The following IPCEF1 variants were observed in gnomAD, a reference collection of about 807,000 sequenced individuals.
IPCEF1 encodes interactor protein for cytohesin exchange factors 1.
IPCEF1 carries 31 observed loss-of-function variants against 50.9 expected under a neutral mutation model. That is an observed-to-expected ratio of 0.61 (90% confidence interval 0.46 to 0.82). The LOEUF (loss-of-function observed/expected upper bound fraction) is 0.82. Ranked by LOEUF, IPCEF1 falls within the 40% of genes least tolerant of loss-of-function variation. The pLI is 0.00. For missense variants in IPCEF1, 458 were observed against 514.0 expected (o/e 0.89, Z 1.05); for synonymous variants, 181 against 192.0 (o/e 0.94, Z 0.47).
intron 3 of IPCEF1, among the ~76,000 whole-genome samples, chr6:154,248,340 G>GTGTGTGTGT (rs1562566051): frequency 8.9e-6 from 1 of 112,092 alleles, no homozygotes; most frequent in African/African-American, 3.3e-5. Flanking sequence ...TGTGTGTGTA[G>GTGTGTGTGT]AGAGAGAGAA....
intron 3 of IPCEF1, among the ~76,000 whole-genome samples, chr6:154,257,302 T>C (rs916154436): frequency 6.6e-6 from 1 of 152,198 alleles, no homozygotes; most frequent in Non-Finnish European, 1.5e-5. Flanking sequence ...TGAACCTAGC[T>C]AGCTCTCCCC....
intron 1 of IPCEF1, among the ~76,000 whole-genome samples, chr6:154,316,666 GGA>G: frequency 6.6e-6 from 1 of 152,136 alleles, no homozygotes; most frequent in Non-Finnish European, 1.5e-5. Flanking sequence ...CAATGAAACA[GGA>G]GAAATAAACT....
chr6:154,333,499 T>C (rs551398939), intron 1 of IPCEF1, among the ~76,000 whole-genome samples: 1 of 152,068 alleles, frequency 6.6e-6, no homozygotes, highest in African/African-American at 2.4e-5. Context: ...TCAGACAGCC[T>C]ATTGTGGGAC....
chr6:154,332,178 A>C (rs1413950567), intron 1 of IPCEF1, among the ~76,000 whole-genome samples: 1 of 152,184 alleles, frequency 6.6e-6, no homozygotes, highest in Non-Finnish European at 1.5e-5. Context: ...ATTTTTATTA[A>C]GTCACATGCA....
At chr6:154,238,489 C>T (rs1042175940) in intron 5 of IPCEF1, among the ~76,000 whole-genome samples, 1 of 152,190 alleles carries the variant, frequency 6.6e-6, no homozygotes, top group Admixed American at 6.5e-5. Flanking sequence ...TGGTCTCAAA[C>T]TCCCGACCTC....
At chr6:154,282,602 G>C (rs1371358875) in intron 2 of IPCEF1, among the ~76,000 whole-genome samples, 3 of 152,060 alleles carry the variant, frequency 2.0e-5, no homozygotes, top group Non-Finnish European at 4.4e-5. Flanking sequence ...CAGGAGAATG[G>C]CATAAACCCG....
intron 1 of IPCEF1, among the ~76,000 whole-genome samples, chr6:154,297,279 A>G (rs1045165771): frequency 1.8e-4 from 27 of 152,066 alleles, no homozygotes; most frequent in African/African-American, 6.5e-4. Flanking sequence ...GGCTCATGCA[A>G]TCCACCCACC....
rs184236319 is a variant in IPCEF1 at position 154,346,964 on chromosome 6, T to A, written c.-62+9708A>T. The stretch of plus-strand genomic sequence containing the variant: ...ATCTCTGTTTTCTTCCCCTTTTCAA[T>A]CTATATTATTAGAAACAAATGCTCC... On this transcript the variant is annotated intron_variant, in intron 1 of 11. Transcript: ENST00000367220. Among the ~76,000 whole-genome samples, 6 of 152,310 alleles carry A rather than the reference T, an allele frequency of 3.9e-5. No individual in the cohort carries two copies. In the East Asian group the frequency reaches 9.6e-4, roughly 24 times the overall value.
chr6:154,342,587 AT>A (rs1374204704), intron 1 of IPCEF1, among the ~76,000 whole-genome samples: 1 of 151,798 alleles, frequency 6.6e-6, no homozygotes, highest in Non-Finnish European at 1.5e-5. Flanking sequence ...ACACCTGGCA[AT>A]TTTTTTCAAT....
At chr6:154,176,757 A>G (rs941223584) in intron 10 of IPCEF1, among the ~76,000 whole-genome samples, 2 of 152,130 alleles carry the variant, frequency 1.3e-5, no homozygotes, top group African/African-American at 2.4e-5. Context: ...AGGTAATTCA[A>G]TGCTATCCCC....
rs762007989 is a variant in IPCEF1 at position 154,235,542 on chromosome 6, A to AT, written c.246+11048_246+11049insA. On this transcript the variant is annotated intron_variant, in intron 5 of 11. Transcript: ENST00000367220. ...GCAAAACTCTGTCACAAAAAAAAAA[A>AT]AAAAAAAAAGTAATGAAGACAAAGT... Among the ~76,000 whole-genome samples, 279 of 149,640 alleles carry AT rather than the reference A, an allele frequency of 1.9e-3. 3 individuals carry two copies. The highest frequency in any genetic ancestry group is 3.3e-3 in the Non-Finnish European group (225 of 67,720).
At position 154,157,076 on chromosome 6, in the gene IPCEF1, G is replaced by A. The variant is rs1254877057; in HGVS notation, c.*2752C>T. 1 of 152,302 alleles carries A rather than the reference G, an allele frequency of 6.6e-6. No individual in the cohort carries two copies. The highest frequency in any genetic ancestry group is 1.5e-5 in the Non-Finnish European group (1 of 68,132). 9.4% of individuals were successfully genotyped at this position (152,302 alleles called of 1,614,324 possible). A position where few individuals can be genotyped will look rare whatever the true frequency, so the allele number is the denominator to read the frequency against. ...GAAACTACCCCAAATGCATTTCAGAGATGACCCGGTCTCAAGAAATATACT... is the reference window on the plus strand; with the variant it reads ...GAAACTACCCCAAATGCATTTCAGAAATGACCCGGTCTCAAGAAATATACT... On this transcript the variant is annotated 3_prime_UTR_variant, in exon 12 of 12. Coordinates refer to ENST00000367220, the MANE Select transcript of IPCEF1 (RefSeq NM_001130700.2).
chr6:154,275,462 A>C (rs1356351914), intron 2 of IPCEF1, among the ~76,000 whole-genome samples: 2 of 152,078 alleles, frequency 1.3e-5, no homozygotes, highest in Non-Finnish European at 2.9e-5. Context: ...AGTTTGCTTC[A>C]CTCCAGCCGG....
chr6:154,174,299 C>T (rs1385886764), intron 10 of IPCEF1, among the ~76,000 whole-genome samples: 2 of 152,130 alleles, frequency 1.3e-5, no homozygotes, highest in East Asian at 1.9e-4. Context: ...ATCATAATGA[C>T]AGGATCAAAT....
intron 7 of IPCEF1, among the ~76,000 whole-genome samples, chr6:154,220,658 A>C (rs756584463): frequency 6.6e-6 from 1 of 152,130 alleles, no homozygotes; most frequent in Non-Finnish European, 1.5e-5. Context: ...ATAAATAAAT[A>C]AATAACAGCT....
intron 1 of IPCEF1, among the ~76,000 whole-genome samples, chr6:154,339,777 G>A (rs1267319132): frequency 6.6e-6 from 1 of 152,008 alleles, no homozygotes; most frequent in Non-Finnish European, 1.5e-5. Flanking sequence ...AAATATTTTT[G>A]TAGAGATGGG....
At chr6:154,273,909 A>T (rs1393677710) in intron 2 of IPCEF1, among the ~76,000 whole-genome samples, 2 of 149,634 alleles carry the variant, frequency 1.3e-5, no homozygotes, top group Non-Finnish European at 1.5e-5. Context: ...GCCCGCCACC[A>T]CACCCGGCTA....
chr6:154,241,371 A>G (rs1012676334), intron 5 of IPCEF1, among the ~76,000 whole-genome samples: 1 of 152,160 alleles, frequency 6.6e-6, no homozygotes, highest in African/African-American at 2.4e-5. Context: ...AATGAAAACT[A>G]AAAAACACAA....
At chr6:154,289,026 G>A (rs926305416) in intron 2 of IPCEF1, among the ~76,000 whole-genome samples, 2 of 152,126 alleles carry the variant, frequency 1.3e-5, no homozygotes, top group Non-Finnish European at 2.9e-5. Flanking sequence ...CAGTCTGGGG[G>A]ACAAAGTGAG....
Sources: gnomAD v4.1 joint callset for allele counts (sites outside exome capture counted in the v4.1 genomes callset) on GRCh38, gnomAD v4.1.1 for gene constraint, MANE v1.5 for transcripts, NCBI Gene and HGNC (gene_info 2026-07-23, HGNC 2026-07-21) for gene names.